Variants in DAB1 observed in about 807,000 individuals in gnomAD.
DAB1 encodes the protein DAB adaptor protein 1, also known as disabled homolog 1.
A neutral mutation model predicts 64.6 loss-of-function variants in DAB1; 15 were observed. The ratio of observed to expected loss-of-function variants is 0.23; its 90% CI spans 0.16 to 0.36. DAB1 has a LOEUF of 0.36. Among genes scored for constraint, DAB1 ranks in the 10% least tolerant of loss-of-function variants. The pLI is 1.00. For synonymous variants in DAB1, 235 were observed against 251.9 expected (o/e 0.93, Z 0.64); for missense variants, 596 against 706.7 (o/e 0.84, Z 1.78).
In DAB1 at chr1:58,137,413, C is replaced by T. The variant is rs1001145609; in HGVS notation, n.387+13098G>A. Among the ~76,000 whole-genome samples the T allele has an allele frequency of 2.0e-5, 3 of 152,130 alleles. No individual in the cohort carries two copies. The South Asian group carries it at 6.2e-4, about 31-fold the overall frequency. On this transcript the variant is annotated intron_variant and non_coding_transcript_variant, in intron 5 of 20. Coordinates refer to the DAB1 transcript ENST00000485760. ...TAACTGAATCAAAGAGAATGAGTATCCCATTCATATCCATTCATCACCATC... is the reference window on the plus strand; with the variant it reads ...TAACTGAATCAAAGAGAATGAGTATTCCATTCATATCCATTCATCACCATC...
chr1:58,287,052 G>A (rs571824362), intron 4 of DAB1, among the ~76,000 whole-genome samples: 42 of 152,286 alleles, frequency 2.8e-4, no homozygotes, highest in African/African-American at 8.7e-4. Context: ...ATTATCTTTA[G>A]CAAACTAATG....
At chr1:57,453,811 T>TA (rs1156536429) in intron 7 of DAB1, among the ~76,000 whole-genome samples, 1 of 152,192 alleles carries the variant, frequency 6.6e-6, no homozygotes, top group African/African-American at 2.4e-5. Flanking sequence ...GTTTATCTCA[T>TA]AAAAAAGTTA....
At chr1:57,123,671 G>A (rs1656868815) in intron 4 of DAB1, among the ~76,000 whole-genome samples, 1 of 152,104 alleles carries the variant, frequency 6.6e-6, no homozygotes, top group Non-Finnish European at 1.5e-5. Context: ...AACCTGCATG[G>A]CTAACAATAT....
chr1:57,367,925 G>A (rs1680190374), intron 1 of DAB1, among the ~76,000 whole-genome samples: 1 of 152,150 alleles, frequency 6.6e-6, no homozygotes, highest in Admixed American at 6.5e-5. Context: ...CCTCCCTCCT[G>A]GGTGCAGCTG....
chr1:58,543,309 T>C (rs1646650514), intron 1 of DAB1, among the ~76,000 whole-genome samples: 1 of 152,234 alleles, frequency 6.6e-6, no homozygotes, highest in South Asian at 2.1e-4. Flanking sequence ...TGGAACTAGC[T>C]GAGGGTTCCT....
chr1:57,708,263 G>T (rs3118021), intron 6 of DAB1, among the ~76,000 whole-genome samples: 7,799 of 152,286 alleles, frequency 0.051, 660 homozygotes, highest in African/African-American at 0.18. Context: ...CTGACTAGGA[G>T]CAAAGACCTG....
intron 6 of DAB1, among the ~76,000 whole-genome samples, chr1:57,709,824 T>C (rs1264000839): frequency 1.3e-5 from 2 of 152,142 alleles, no homozygotes; most frequent in Admixed American, 6.5e-5. Context: ...ATGTTGCTTG[T>C]TCCTTATTGT....
chr1:57,179,710 G>A (rs564841030), intron 2 of DAB1, among the ~76,000 whole-genome samples: 19 of 152,080 alleles, frequency 1.2e-4, no homozygotes, highest in Non-Finnish European at 2.4e-4. Context: ...TGGGGAAACG[G>A]TGAAATTCTT....
intron 5 of DAB1, among the ~76,000 whole-genome samples, chr1:57,951,255 G>A (rs1169997914): frequency 2.1e-5 from 3 of 144,538 alleles, no homozygotes; most frequent in East Asian, 3.9e-4. Flanking sequence ...GACATTGGGG[G>A]GTGAGGGGGG....
At chr1:57,670,846 G>A (rs1410426637) in intron 6 of DAB1, among the ~76,000 whole-genome samples, 1 of 152,050 alleles carries the variant, frequency 6.6e-6, no homozygotes, top group Non-Finnish European at 1.5e-5. Flanking sequence ...GTTGTCCCTT[G>A]GGATCCATGG....
At chr1:57,195,319 A>G (rs1664534959) in intron 2 of DAB1, among the ~76,000 whole-genome samples, 1 of 152,218 alleles carries the variant, frequency 6.6e-6, no homozygotes, top group Non-Finnish European at 1.5e-5. Context: ...AGTCTGTTCA[A>G]TACTAAAGAG....
At chr1:57,234,713 T>G (rs1281399657) in intron 2 of DAB1, among the ~76,000 whole-genome samples, 1 of 152,144 alleles carries the variant, frequency 6.6e-6, no homozygotes, top group Non-Finnish European at 1.5e-5. Flanking sequence ...ATCAAGGTAT[T>G]GACCAGGCTA....
rs1014040631 is a variant in DAB1 at position 56,995,601 on chromosome 1, G to C, written c.*2543C>G. On this transcript the variant is annotated 3_prime_UTR_variant, in exon 15 of 15. Transcript: ENST00000371236. Reference sequence around the variant, plus strand: ...GAAATTAACTCCAGATGGTATACCTGAAACAGCAACATCAGCCAGAGTTCA... The same window carrying C: ...GAAATTAACTCCAGATGGTATACCTCAAACAGCAACATCAGCCAGAGTTCA... The C allele has an allele frequency of 2.6e-5, 4 of 152,170 alleles. No homozygotes were observed. The highest frequency in any genetic ancestry group is 5.9e-5 in the Non-Finnish European group (4 of 68,044). 9.4% of individuals were successfully genotyped at this position (152,170 alleles called of 1,614,324 possible).
chr1:57,740,566 G>T (rs1380526113), intron 6 of DAB1, among the ~76,000 whole-genome samples: 1 of 152,212 alleles, frequency 6.6e-6, no homozygotes, highest in Non-Finnish European at 1.5e-5. Flanking sequence ...AGGAGCAAGG[G>T]TTTCCCTAAG....
chr1:58,214,489 A>G (rs752823810), intron 4 of DAB1, among the ~76,000 whole-genome samples: 1 of 152,180 alleles, frequency 6.6e-6, no homozygotes, highest in Non-Finnish European at 1.5e-5. Flanking sequence ...GAGAAAAGCC[A>G]AAAGAAAGTA....
At chr1:58,300,593 A>G (rs1366115386) in intron 4 of DAB1, among the ~76,000 whole-genome samples, 8 of 27,698 alleles carry the variant, frequency 2.9e-4, no homozygotes, top group African/African-American at 7.1e-4. Context: ...AGAAAGAAAG[A>G]AAGAAAGAAA....
intron 6 of DAB1, among the ~76,000 whole-genome samples, chr1:57,770,647 T>C (rs1460006525): frequency 6.6e-6 from 1 of 152,092 alleles, no homozygotes; most frequent in Non-Finnish European, 1.5e-5. Flanking sequence ...AACTCAAAAA[T>C]CAGTTCAGGA....
Position 57,404,683 on chromosome 1 carries a change from G to A in DAB1, c.-137+19247C>T, listed in dbSNP as rs186692101. ...AAAGAAAAATTCATTACACTTGACT[G>A]TAGCCACTACATGGTTAACAGGAGA... is the stretch of plus-strand genomic sequence containing the variant. On this transcript the variant is annotated intron_variant, in intron 1 of 14. Coordinates refer to ENST00000371236, the MANE Select transcript of DAB1 (RefSeq NM_001365792.1). Among the ~76,000 whole-genome samples, 3 of 152,308 alleles carry A rather than the reference G, an allele frequency of 2.0e-5. No individual in the cohort carries two copies. The East Asian group carries it at 5.8e-4, about 29-fold the overall frequency.
At chr1:57,767,874 G>C (rs1272219196) in intron 6 of DAB1, among the ~76,000 whole-genome samples, 1 of 152,036 alleles carries the variant, frequency 6.6e-6, no homozygotes, top group East Asian at 1.9e-4. Flanking sequence ...AATAGGCATA[G>C]TGGTTAAGAG....
Sources: gnomAD v4.1 joint callset for allele counts (sites outside exome capture counted in the v4.1 genomes callset) on GRCh38, gnomAD v4.1.1 for gene constraint, MANE v1.5 for transcripts, NCBI Gene and HGNC (gene_info 2026-07-23, HGNC 2026-07-21) for gene names.